Variants in SPIRE2 observed in about 807,000 individuals in gnomAD.
The protein encoded by SPIRE2 is protein spire homolog 2.
In SPIRE2, 76 loss-of-function variants were observed where a neutral mutation model predicts 80.7. That is an observed-to-expected ratio of 0.94 (90% confidence interval 0.78 to 1.14). SPIRE2 has a LOEUF of 1.14. Ranked by LOEUF, SPIRE2 falls within the 50% of genes most tolerant of loss-of-function variation. The pLI, the probability that SPIRE2 is intolerant of heterozygous loss-of-function variation, is 0.00. For synonymous variants in SPIRE2, 535 were observed against 432.6 expected, an observed-to-expected ratio of 1.24 and a Z score of -2.94; for missense variants, 1,196 against 1,015.3, an observed-to-expected ratio of 1.18 and a Z score of -2.42.
chr16:89,845,428 T>G lies in SPIRE2; in HGVS notation c.288+63T>G, dbSNP rs748447313. On this transcript the variant is annotated intron_variant, in intron 2 of 14. Transcript: ENST00000378247. ...GTTAAAACGTACCTGCATCTTAAAATGTAAATCATAAAACATATATAGTTA... is the reference window on the plus strand; with the variant it reads ...GTTAAAACGTACCTGCATCTTAAAAGGTAAATCATAAAACATATATAGTTA... 17 of 1,396,308 alleles carry G rather than the reference T, an allele frequency of 1.2e-5. No individual in the cohort carries two copies. The Admixed American group carries it at 2.5e-4, about 21-fold the overall frequency. 86.5% of individuals were successfully genotyped at this position (1,396,308 alleles called of 1,614,324 possible). A position where few individuals can be genotyped will look rare whatever the true frequency, so the allele number is the denominator to read the frequency against.
intron 1 of SPIRE2, among the ~76,000 whole-genome samples, chr16:89,831,399 CT>C (rs59083711): frequency 0.011 from 1,482 of 131,818 alleles, 12 homozygotes; most frequent in African/African-American, 0.03. Context: ...TTCTTTCTTT[CT>C]TTTTTTTTTT....
chr16:89,852,010 G>A (rs1440096651), intron 3 of SPIRE2, among the ~76,000 whole-genome samples: 1 of 137,322 alleles, frequency 7.3e-6, no homozygotes, highest in African/African-American at 2.7e-5. Context: ...AAGGTTGGAC[G>A]GCTCTCCCCC....
At chr16:89,856,912 A>C (rs977062275) in intron 7 of SPIRE2, among the ~76,000 whole-genome samples, 4 of 151,676 alleles carry the variant, frequency 2.6e-5, no homozygotes, top group Admixed American at 1.3e-4. Context: ...AATTTCAAAG[A>C]AAAATTAGCC....
chr16:89,843,618 C>A (rs1320376449), intron 1 of SPIRE2, among the ~76,000 whole-genome samples: 1 of 132,640 alleles, frequency 7.5e-6, no homozygotes, highest in African/African-American at 2.8e-5. Flanking sequence ...ACCACAGGTT[C>A]TTTCCTGAAG....
At position 89,866,810 on chromosome 16, in the gene SPIRE2, C is replaced by T. The variant is rs184246410; in HGVS notation, c.1779-1379C>T. 1.7e-4 allele frequency among the ~76,000 whole-genome samples: 25 copies of T among 151,268 alleles called. No individual in the cohort carries two copies. The East Asian group carries it at 4.5e-3, about 27-fold the overall frequency. Reference sequence around the variant, plus strand: ...ATTTCTAGTAGAGACGGGGTTTCACCATGTTAGCCAGGATGGTCTCGATCT... The same window carrying T: ...ATTTCTAGTAGAGACGGGGTTTCACTATGTTAGCCAGGATGGTCTCGATCT... On this transcript the variant is annotated intron_variant, in intron 12 of 14. Transcript: ENST00000378247.
chr16:89,839,060 G>A (rs965717400), intron 1 of SPIRE2, among the ~76,000 whole-genome samples: 1 of 152,086 alleles, frequency 6.6e-6, no homozygotes, highest in Non-Finnish European at 1.5e-5. Flanking sequence ...GTTAGGAGGG[G>A]GCTGGGCGCT....
chr16:89,870,175 G>A lies in SPIRE2; in HGVS notation c.2048G>A (p.Ser683Asn). ...TSFVADVVRS[S>N]RKSVDVLNTT... ...TTTGTGGCAGACGTGGTGCGTTCCA[G>A]CCGCAAGAGCGTGGACGTCCTCAAC... The change falls in exon 15 of 15, where the codon AGC becomes AAC. Residue 683 changes from serine (S) to asparagine (N), a missense_variant. Physicochemically the swap from Ser to Asn is conservative, Grantham distance 46 (BLOSUM62 1). Transcript: ENST00000378247. 6.2e-7 allele frequency: 1 copy of A among 1,610,798 alleles called. No homozygotes were observed. The highest frequency in any genetic ancestry group is 2.2e-5 in the East Asian group (1 of 44,772).
chr16:89,835,241 AAGCATAGCCCG>A (rs139178790), intron 1 of SPIRE2, among the ~76,000 whole-genome samples: 1 of 144,048 alleles, frequency 6.9e-6, no homozygotes, highest in Admixed American at 6.7e-5. Flanking sequence ...AAGCGTGGAT[AAGCATAGCCCG>A]TGTGATTTTT....
Position 89,850,402 on chromosome 16 carries a change from C to T in SPIRE2, c.387C>T (p.Ile129=), listed in dbSNP as rs762486328. Residue 129 remains isoleucine (I), a synonymous_variant, in exon 3 of 15, where the codon ATC becomes ATT. Transcript: ENST00000378247. ...TCAGCCCTCAGCTGGAGCGGCTCAT[C>T]GACCTCATGGCCAACAACGACAGCG... ...RELSPQLERL[I]DLMANNDSED... is the part of the protein sequence containing the mutation. 7 of 1,595,748 alleles carry T rather than the reference C, an allele frequency of 4.4e-6. No individual in the cohort carries two copies. The highest frequency in any genetic ancestry group is 6.0e-6 in the Non-Finnish European group (7 of 1,172,758).
chr16:89,858,585 A>C, intron 8 of SPIRE2, 78 bp downstream of exon 8: 1 of 1,386,754 alleles, frequency 7.2e-7, no homozygotes, highest in Non-Finnish European at 9.5e-7. Flanking sequence ...GGGCTAAGCT[A>C]AGCCGGGGGC....
At chr16:89,860,834 G>A in intron 10 of SPIRE2, 39 bp downstream of exon 10, 2 of 1,322,494 alleles carry the variant, frequency 1.5e-6, no homozygotes, top group Non-Finnish European at 2.0e-6. Context: ...GCGGCCCAGG[G>A]GGCGTCTTTG....
At chr16:89,869,495 G>A in intron 13 of SPIRE2, 72 bp from the exon 14 acceptor site, 2 of 1,027,266 alleles carry the variant, frequency 1.9e-6, no homozygotes, top group Non-Finnish European at 3.0e-6. Flanking sequence ...GGGGAGGGAG[G>A]TCCCCTAGCA....
intron 3 of SPIRE2, among the ~76,000 whole-genome samples, 176 bp from the exon 4 acceptor site, chr16:89,854,110 C>T (rs1282352375): frequency 1.3e-5 from 2 of 152,256 alleles, no homozygotes; most frequent in South Asian, 2.1e-4. Context: ...GGCGATGGCT[C>T]GGTTTCCCCA....
At chr16:89,866,114 A>C (rs1281784942) in intron 12 of SPIRE2, among the ~76,000 whole-genome samples, 1 of 146,548 alleles carries the variant, frequency 6.8e-6, no homozygotes, top group Non-Finnish European at 1.5e-5. Context: ...GTGTCACTGC[A>C]CTCCAGCCTG....
chr16:89,839,517 G>T (rs9935541), intron 1 of SPIRE2, among the ~76,000 whole-genome samples: 2 of 151,950 alleles, frequency 1.3e-5, no homozygotes, highest in Admixed American at 1.3e-4. Context: ...CTAGTTCGTG[G>T]GTCTGCCAGG....
intron 1 of SPIRE2, among the ~76,000 whole-genome samples, chr16:89,840,718 C>T (rs539278855): frequency 3.5e-4 from 52 of 147,130 alleles, no homozygotes; most frequent in Middle Eastern, 7.3e-3. Flanking sequence ...TCACTGCAAA[C>T]TCCGCCTCCC....
At position 89,863,529 on chromosome 16, in the gene SPIRE2, C is replaced by T. The variant is rs149165523; in HGVS notation, c.1629C>T (p.Asp543=). ...SLALTVEEVM[D]VRRVLVKAEM... ...CGCTGACTGTGGAAGAGGTGATGGA[C>T]GTGCGCCGTGTGCTGGTGAAGGCCG... Residue 543 remains aspartate, a synonymous_variant, in exon 11 of 15, where the codon GAC becomes GAT. Coordinates refer to ENST00000378247, the MANE Select transcript of SPIRE2 (RefSeq NM_032451.2). This position sits in a 1 kb window ranked among gnomAD's most constrained non-coding sequence, Gnocchi z 4.3. The T allele has an allele frequency of 1.6e-5, 26 of 1,613,934 alleles. No individual in the cohort carries two copies. The highest frequency in any genetic ancestry group is 1.5e-4 in the Admixed American group (9 of 60,002).
intron 1 of SPIRE2, among the ~76,000 whole-genome samples, chr16:89,841,101 T>C (rs2041501877): frequency 1.3e-5 from 2 of 151,804 alleles, no homozygotes; most frequent in South Asian, 4.1e-4. Context: ...GGAGGATCGC[T>C]TGAGCCCAGG....
intron 7 of SPIRE2, 143 bp downstream of exon 7, chr16:89,856,379 G>A: frequency 1.3e-6 from 1 of 770,256 alleles, no homozygotes; most frequent in Non-Finnish European, 1.8e-6. Context: ...CTTAATTTTT[G>A]AGGCACACAG....
Sources: gnomAD v4.1 joint callset for allele counts (sites outside exome capture counted in the v4.1 genomes callset) on GRCh38, gnomAD v4.1.1 for gene constraint, Gnocchi (gnomAD v3.1) non-coding constraint, MANE v1.5 for transcripts, NCBI Gene and HGNC (gene_info 2026-07-23, HGNC 2026-07-21) for gene names.